CNTN1: variants seen among roughly 807,000 people sequenced by gnomAD.
CNTN1 encodes the protein contactin-1.
CNTN1 carries 38 observed loss-of-function variants against 126.4 expected under a neutral mutation model. The ratio of observed to expected loss-of-function variants is 0.30; its 90% CI spans 0.23 to 0.39. The LOEUF is 0.39. Among genes scored for constraint, CNTN1 ranks in the 10% least tolerant of loss-of-function variants. The pLI is 1.00. For missense variants in CNTN1, 1,009 were observed against 1,248.4 expected, an observed-to-expected ratio of 0.81 and a Z score of 2.89; for synonymous variants, 413 against 422.6, an observed-to-expected ratio of 0.98 and a Z score of 0.28.
intron 1 of CNTN1, among the ~76,000 whole-genome samples, chr12:40,718,114 A>T (rs1942094495): frequency 6.6e-6 from 1 of 152,116 alleles, no homozygotes. Context: ...TCTCATTTGA[A>T]ACCAAGAACA....
rs145130211 is a variant in CNTN1 at position 40,880,984 on chromosome 12, G to A, written c.-76-27373G>A. Among the ~76,000 whole-genome samples, 299 of 152,056 alleles carry A rather than the reference G, an allele frequency of 2.0e-3. 3 individuals are homozygous for A. The highest frequency in any genetic ancestry group is 0.017 in the Admixed American group (259 of 15,264). On this transcript the variant is annotated intron_variant, in intron 1 of 23. Coordinates refer to ENST00000551295, the MANE Select transcript of CNTN1 (RefSeq NM_001843.4). ...CTTAGCCAATCACTGGGGCTAAAAC[G>A]ATGGAATTACACAGATTTACCCGTA...
chr12:40,843,116 T>G (rs1256642116), intron 1 of CNTN1, among the ~76,000 whole-genome samples: 1 of 152,172 alleles, frequency 6.6e-6, no homozygotes, highest in Non-Finnish European at 1.5e-5. Flanking sequence ...AACTAACTCC[T>G]TTATGCCTTA....
chr12:40,887,973 G>A (rs536054018), intron 1 of CNTN1, among the ~76,000 whole-genome samples: 2,699 of 141,880 alleles, frequency 0.019, 89 homozygotes, highest in African/African-American at 0.066. Flanking sequence ...ATGAGAACAC[G>A]TGGACACAGG....
intron 16 of CNTN1, among the ~76,000 whole-genome samples, chr12:40,987,935 CT>C (rs79306393): frequency 0.016 from 2,250 of 139,746 alleles, 27 homozygotes; most frequent in African/African-American, 0.045. Context: ...GGACAGTATC[CT>C]TTTTTTTTTT....
chr12:40,956,119 G>C (rs1471172964), intron 14 of CNTN1, among the ~76,000 whole-genome samples: 1 of 152,080 alleles, frequency 6.6e-6, no homozygotes, highest in Admixed American at 6.6e-5. Context: ...TAGCTGAAAA[G>C]AAGTGAATAC....
intron 2 of CNTN1, 51 bp from the exon 3 acceptor site, chr12:40,910,022 C>T (rs752898424): frequency 1.5e-6 from 2 of 1,368,502 alleles, no homozygotes; most frequent in Non-Finnish European, 2.1e-6. Flanking sequence ...TTTGAAACCA[C>T]AATTCAAATA....
intron 1 of CNTN1, among the ~76,000 whole-genome samples, chr12:40,698,287 G>C (rs1941503717): frequency 7.4e-6 from 1 of 136,022 alleles, no homozygotes; most frequent in South Asian, 2.4e-4. Context: ...CCAGGCTGGA[G>C]TGCAGTGGCG....
chr12:40,881,547 A>G (rs1410508912), intron 1 of CNTN1, among the ~76,000 whole-genome samples: 1 of 151,438 alleles, frequency 6.6e-6, no homozygotes. Context: ...AATGATTAAG[A>G]AATACATTTA....
chr12:40,772,904 G>C (rs897317538), intron 1 of CNTN1, among the ~76,000 whole-genome samples: 3 of 151,888 alleles, frequency 2.0e-5, no homozygotes, highest in Non-Finnish European at 4.4e-5. Context: ...ATTTCTATGG[G>C]AAGTGGAACT....
chr12:40,991,760 A>G (rs752676228), intron 16 of CNTN1, among the ~76,000 whole-genome samples: 14 of 152,200 alleles, frequency 9.2e-5, no homozygotes, highest in Non-Finnish European at 1.0e-4. Context: ...CCCAGGAGGC[A>G]GAGCTTGCAG....
intron 1 of CNTN1, among the ~76,000 whole-genome samples, chr12:40,737,567 A>G (rs1937752826): frequency 6.6e-6 from 1 of 151,536 alleles, no homozygotes; most frequent in Non-Finnish European, 1.5e-5. Flanking sequence ...CTCTCCTTTC[A>G]CTTTTTTCTG....
chr12:40,761,765 A>G (rs1208572587), intron 1 of CNTN1, among the ~76,000 whole-genome samples: 4 of 152,134 alleles, frequency 2.6e-5, no homozygotes, highest in Admixed American at 2.6e-4. Flanking sequence ...TTCAGTGAAC[A>G]ATCATCAAAG....
rs571822183 is a variant in CNTN1 at position 40,860,461 on chromosome 12, G to GC, written c.-76-47890dup. Among the ~76,000 whole-genome samples the GC allele has an allele frequency of 3.3e-5, 5 of 152,136 alleles. No individual in the cohort carries two copies. The East Asian group carries it at 7.7e-4, about 24-fold the overall frequency. ...GTTAATGGCTCAGTCTTACAAGATT[G>GC]CCCCCCACTTCAGATGCCAGTTGCA... is the stretch of plus-strand genomic sequence containing the variant. On this transcript the variant is annotated intron_variant, in intron 1 of 23. Coordinates refer to ENST00000551295, the MANE Select transcript of CNTN1 (RefSeq NM_001843.4).
chr12:40,943,010 G>A (rs1946309522), intron 12 of CNTN1, among the ~76,000 whole-genome samples: 1 of 152,028 alleles, frequency 6.6e-6, no homozygotes, highest in African/African-American at 2.4e-5. Flanking sequence ...TTTAATCTAA[G>A]TGTGAGTTTC....
At chr12:41,010,278 A>C (rs971801775) in intron 17 of CNTN1, among the ~76,000 whole-genome samples, 1 of 152,014 alleles carries the variant, frequency 6.6e-6, no homozygotes. Flanking sequence ...GGTGACCTTC[A>C]TCTCTGGGGG....
chr12:40,971,350 A>G, intron 15 of CNTN1: 2 of 1,170,306 alleles, frequency 1.7e-6, no homozygotes, highest in South Asian at 1.3e-5. Context: ...TCAAGGAAAT[A>G]GGGCAAATCC....
chr12:41,055,395 C>A (rs1334688002), intron 23 of CNTN1, among the ~76,000 whole-genome samples: 1 of 152,118 alleles, frequency 6.6e-6, no homozygotes, highest in Non-Finnish European at 1.5e-5. Flanking sequence ...TTTGCCCCAT[C>A]TCTTCTTCCT....
At chr12:40,804,048 A>G (rs1187077765) in intron 1 of CNTN1, among the ~76,000 whole-genome samples, 1 of 151,984 alleles carries the variant, frequency 6.6e-6, no homozygotes, top group African/African-American at 2.4e-5. Context: ...TCCAAACTTT[A>G]CTGCTACTAA....
rs184971945 is a variant in CNTN1 at position 40,891,331 on chromosome 12, C to T, written c.-76-17026C>T. On this transcript the variant is annotated intron_variant, in intron 1 of 23. Transcript: ENST00000551295. The stretch of plus-strand genomic sequence containing the variant: ...TGGCTTGTCTTCTCCTTCTCTTGAC[C>T]GTGTCTTTTGCAGAGCAGGAATTTT... Among the ~76,000 whole-genome samples, 98 of 152,154 alleles carry T rather than the reference C, an allele frequency of 6.4e-4. 1 individual carries two copies. Among genetic ancestry groups the T allele is most frequent in the Admixed American group, 3.6e-3 (55 of 15,276 alleles).
Sources: allele counts gnomAD v4.1 joint callset (sites outside exome capture counted in the v4.1 genomes callset), GRCh38; gene constraint gnomAD v4.1.1; transcripts MANE v1.5; gene names NCBI Gene and HGNC (gene_info 2026-07-23, HGNC 2026-07-21).